Variants in EFR3A observed in about 807,000 individuals in gnomAD.
EFR3A encodes protein EFR3 homolog A.
A neutral mutation model predicts 104.4 loss-of-function variants in EFR3A; 76 were observed. That is an observed-to-expected ratio of 0.73 (90% confidence interval 0.60 to 0.88). The LOEUF (loss-of-function observed/expected upper bound fraction) is 0.88. Among genes scored for constraint, EFR3A ranks in the 40% least tolerant of loss-of-function variants. The pLI is 0.00. For synonymous variants in EFR3A, 330 were observed against 330.0 expected, an observed-to-expected ratio of 1.00 and a Z score of 0.00; for missense variants, 985 against 1,012.5, an observed-to-expected ratio of 0.97 and a Z score of 0.37.
intron 1 of EFR3A, among the ~76,000 whole-genome samples, chr8:131,904,690 C>T (rs1168226594): frequency 2.0e-5 from 3 of 152,242 alleles, no homozygotes; most frequent in African/African-American, 7.2e-5. Context: ...TTGTCAGTCC[C>T]TTCTCACCTC....
chr8:131,998,555 C>G (rs2130796091), intron 19 of EFR3A, among the ~76,000 whole-genome samples: 1 of 152,110 alleles, frequency 6.6e-6, no homozygotes, highest in East Asian at 1.9e-4. Context: ...TCTGCCAGTT[C>G]TGACATTTGC....
intron 1 of EFR3A, among the ~76,000 whole-genome samples, chr8:131,915,924 G>T (rs950525630): frequency 3.3e-5 from 5 of 152,114 alleles, no homozygotes; most frequent in African/African-American, 1.2e-4. Context: ...CTGAGGATAC[G>T]GTGCTATCCT....
rs757971211 is a variant in EFR3A, at chr8:131,984,990, T to A, written c.1799T>A (p.Leu600Gln). The change falls in exon 16 of 23, where the codon CTG becomes CAG. Residue 600 changes from leucine to glutamine, a missense_variant. Physicochemically the swap from Leu to Gln is moderately radical, Grantham distance 113. Transcript: ENST00000254624. Reference sequence around the variant, plus strand: ...TTCCATCGTTGTGGAATCATGGCACTGGTTGCAGCATACCTCAACTTTGTA... The same window carrying A: ...TTCCATCGTTGTGGAATCATGGCACAGGTTGCAGCATACCTCAACTTTGTA... ...PMFHRCGIMA[L>Q]VAAYLNFVSQ... The A allele has an allele frequency of 6.2e-7, 1 of 1,613,666 alleles. No homozygotes were observed. The highest frequency in any genetic ancestry group is 1.1e-5 in the South Asian group (1 of 91,074).
At chr8:131,959,715 T>G in intron 8 of EFR3A, 52 bp downstream of exon 8, 2 of 1,324,768 alleles carry the variant, frequency 1.5e-6, no homozygotes, top group Non-Finnish European at 2.1e-6. Flanking sequence ...TTTGGTTCTC[T>G]ATGGATAAGC....
chr8:131,936,678 T>C (rs1195649993), intron 1 of EFR3A, among the ~76,000 whole-genome samples: 2 of 152,068 alleles, frequency 1.3e-5, no homozygotes, highest in Non-Finnish European at 2.9e-5. Context: ...TCACAGAACT[T>C]AGGGAAATAC....
At chr8:131,942,054 T>C (rs1420350897) in intron 2 of EFR3A, among the ~76,000 whole-genome samples, 1 of 152,060 alleles carries the variant, frequency 6.6e-6, no homozygotes, top group Non-Finnish European at 1.5e-5. Flanking sequence ...GAAGGTAAGG[T>C]GGAGGCCAGA....
chr8:131,921,920 T>G (rs1817053051), intron 1 of EFR3A, among the ~76,000 whole-genome samples: 1 of 152,114 alleles, frequency 6.6e-6, no homozygotes. Flanking sequence ...TGTGTATTAG[T>G]TTTCTAGGGC....
At chr8:131,988,490 C>G (rs543025231) in intron 18 of EFR3A, among the ~76,000 whole-genome samples, 1 of 151,828 alleles carries the variant, frequency 6.6e-6, no homozygotes, top group East Asian at 1.9e-4. Flanking sequence ...ACATTTAGTA[C>G]AGTAATAGTT....
intron 1 of EFR3A, among the ~76,000 whole-genome samples, chr8:131,932,290 C>G (rs865983110): frequency 2.0e-5 from 3 of 152,142 alleles, no homozygotes; most frequent in Middle Eastern, 3.4e-3. Flanking sequence ...TTAGTTGTCT[C>G]AAAATAATTT....
chr8:131,938,721 G>C (rs1478636829), intron 1 of EFR3A, among the ~76,000 whole-genome samples: 1 of 152,098 alleles, frequency 6.6e-6, no homozygotes, highest in Non-Finnish European at 1.5e-5. Context: ...TGGTACTTGA[G>C]TTTAGTGTGG....
intron 7 of EFR3A, among the ~76,000 whole-genome samples, chr8:131,957,024 G>T (rs369863036): frequency 6.6e-6 from 1 of 152,034 alleles, no homozygotes; most frequent in Non-Finnish European, 1.5e-5. Context: ...CAAATAAGTT[G>T]TACTTGAGTT....
intron 1 of EFR3A, among the ~76,000 whole-genome samples, chr8:131,928,907 T>C (rs563233084): frequency 6.6e-6 from 1 of 152,236 alleles, no homozygotes; most frequent in African/African-American, 2.4e-5. Context: ...AATCCTTTTG[T>C]AATTTTCTTT....
chr8:131,988,088 G>A (rs1011116556), intron 18 of EFR3A, among the ~76,000 whole-genome samples: 1 of 151,888 alleles, frequency 6.6e-6, no homozygotes, highest in Admixed American at 6.6e-5. Flanking sequence ...GGCAACTTTC[G>A]TTATTTGAAA....
chr8:132,003,152 CTTT>C, intron 21 of EFR3A, 81 bp from the exon 22 acceptor site: 1 of 1,110,604 alleles, frequency 9.0e-7, no homozygotes, highest in Non-Finnish European at 1.3e-6. Context: ...CACAATTATA[CTTT>C]GTCTCTTAAG....
chr8:131,959,636 C>T lies in EFR3A; in HGVS notation c.828C>T (p.Cys276=). ...LWDPNEFAVH[C]FKIIMYSIQA... ...ATCCCAATGAATTTGCAGTTCACTGCTTTAAAATTATAATGTATTCCATTC... is the reference window on the plus strand; with the variant it reads ...ATCCCAATGAATTTGCAGTTCACTGTTTTAAAATTATAATGTATTCCATTC... Residue 276 remains cysteine (C), a synonymous_variant, in exon 8 of 23, where the codon TGC becomes TGT. Transcript: ENST00000254624. 6.2e-7 allele frequency: 1 copy of T among 1,611,644 alleles called. No homozygotes were observed. Among genetic ancestry groups the T allele is most frequent in the Non-Finnish European group, 8.5e-7 (1 of 1,179,032 alleles).
At chr8:131,980,542 CATT>C (rs1446792108) in intron 14 of EFR3A, among the ~76,000 whole-genome samples, 1 of 151,852 alleles carries the variant, frequency 6.6e-6, no homozygotes, top group Non-Finnish European at 1.5e-5. Context: ...TTTTTATTGA[CATT>C]ATAATTATAT....
intron 2 of EFR3A, among the ~76,000 whole-genome samples, chr8:131,943,635 T>G (rs561508379): frequency 6.6e-6 from 1 of 151,948 alleles, no homozygotes; most frequent in South Asian, 2.1e-4. Context: ...TTACTTACTT[T>G]TGGGGGCTAT....
At chr8:131,968,502 T>G in intron 9 of EFR3A, 72 bp downstream of exon 9, 1 of 1,400,870 alleles carries the variant, frequency 7.1e-7, no homozygotes, top group Non-Finnish European at 9.7e-7. Flanking sequence ...TGCATAGCAG[T>G]GTATGAAGAA....
intron 1 of EFR3A, among the ~76,000 whole-genome samples, chr8:131,923,510 T>G (rs542332075): frequency 6.6e-6 from 1 of 151,360 alleles, no homozygotes; most frequent in South Asian, 2.1e-4. Flanking sequence ...GTGTTTTTTT[T>G]TTTTTTTTTT....
Sources: gnomAD v4.1 joint callset for allele counts (sites outside exome capture counted in the v4.1 genomes callset) on GRCh38, gnomAD v4.1.1 for gene constraint, MANE v1.5 for transcripts, NCBI Gene and HGNC (gene_info 2026-07-23, HGNC 2026-07-21) for gene names.